ATP2C1: variants seen among roughly 807,000 people sequenced by gnomAD.
ATP2C1 encodes the protein ATPase secretory pathway Ca2+ transporting 1.
A neutral mutation model predicts 120.5 loss-of-function variants in ATP2C1; 31 were observed. The ratio of observed to expected loss-of-function variants is 0.26; its 90% confidence interval spans 0.19 to 0.35. The LOEUF is 0.35. ATP2C1 is among the 10% of genes least tolerant of loss of function. The probability of loss-of-function intolerance (pLI) is 1.00; values close to 1 mark genes in which losing one functional copy is unlikely to be tolerated. For synonymous variants in ATP2C1, 351 were observed against 358.7 expected (o/e 0.98, Z 0.24); for missense variants, 731 against 1,107.5 (o/e 0.66, Z 4.83).
chr3:130,918,040 G>A lies in ATP2C1; in HGVS notation c.7-12376G>A, dbSNP rs186204061. 9.9e-5 allele frequency among the ~76,000 whole-genome samples: 15 copies of A among 152,018 alleles called. No homozygotes were observed. In the East Asian group the frequency reaches 1.9e-3, roughly 20 times the overall value. ...GAAATGGTTCCCAAAAAATGCTGGC[G>A]AATAAAGCAAAAGGATAAGATATAG... is the stretch of plus-strand genomic sequence containing the variant. On this transcript the variant is annotated intron_variant, in intron 2 of 27. Coordinates refer to ENST00000510168, the MANE Select transcript of ATP2C1 (RefSeq NM_001378687.1).
intron 10 of ATP2C1, among the ~76,000 whole-genome samples, chr3:130,955,427 T>G (rs546945780): frequency 1.3e-5 from 2 of 152,340 alleles, no homozygotes; most frequent in South Asian, 4.1e-4. Context: ...CTATCAAATT[T>G]TTTCAACTTC....
chr3:130,962,486 T>C (rs1242982786), intron 12 of ATP2C1, among the ~76,000 whole-genome samples: 1 of 151,854 alleles, frequency 6.6e-6, no homozygotes, highest in Non-Finnish European at 1.5e-5. Flanking sequence ...AAGCAGTAGA[T>C]GAGCAGTTAG....
chr3:130,948,318 T>G (rs1452670705), intron 8 of ATP2C1, among the ~76,000 whole-genome samples: 1 of 152,070 alleles, frequency 6.6e-6, no homozygotes, highest in African/African-American at 2.4e-5. Context: ...AAAGATAATG[T>G]TGCCAGATAG....
chr3:130,910,589 A>G (rs889630344), intron 2 of ATP2C1, among the ~76,000 whole-genome samples: 26 of 129,138 alleles, frequency 2.0e-4, no homozygotes, highest in African/African-American at 7.2e-4. Context: ...TGAGTTTGTC[A>G]TAGATAGCTC....
chr3:130,941,834 A>T, intron 8 of ATP2C1, 135 bp downstream of exon 8: 1 of 792,824 alleles, frequency 1.3e-6, no homozygotes, highest in Non-Finnish European at 2.1e-6. Flanking sequence ...TGACATATAT[A>T]AACTTTTTTT....
chr3:130,956,318 A>G, intron 11 of ATP2C1, 139 bp downstream of exon 11: 1 of 504,076 alleles, frequency 2.0e-6, no homozygotes, highest in African/African-American at 1.9e-5. Flanking sequence ...TAAGACTACT[A>G]GTAGCCATTG....
chr3:130,965,080 G>A (rs1291081585), intron 14 of ATP2C1, 35 bp downstream of exon 14: 2 of 1,472,424 alleles, frequency 1.4e-6, no homozygotes, highest in Non-Finnish European at 1.9e-6. Context: ...AACAAAAACA[G>A]TATCCCTTTA....
intron 3 of ATP2C1, 101 bp from the exon 4 acceptor site, chr3:130,931,921 T>A: frequency 1.3e-6 from 1 of 782,956 alleles, no homozygotes. Context: ...TTGACTGTTG[T>A]AGTTTCTGTA....
chr3:131,003,463 A>T (rs1344860036), downstream of ATP2C1, among the ~76,000 whole-genome samples: 2 of 152,170 alleles, frequency 1.3e-5, no homozygotes, highest in African/African-American at 4.8e-5. Context: ...TACCTTATGG[A>T]GTTATTTGGC....
intron 20 of ATP2C1, among the ~76,000 whole-genome samples, chr3:130,992,178 C>T (rs541121369): frequency 2.0e-5 from 3 of 151,986 alleles, no homozygotes; most frequent in Non-Finnish European, 4.4e-5. Flanking sequence ...TAGCGGATAC[C>T]GTGTTCCACC....
intron 5 of ATP2C1, among the ~76,000 whole-genome samples, chr3:130,936,294 C>T (rs1028805699): frequency 6.6e-6 from 1 of 151,764 alleles, no homozygotes; most frequent in Non-Finnish European, 1.5e-5. Flanking sequence ...ACCAAGTGAA[C>T]CAATATTTCC....
chr3:130,939,510 A>G (rs1348639617), intron 6 of ATP2C1, among the ~76,000 whole-genome samples: 2 of 152,200 alleles, frequency 1.3e-5, no homozygotes, highest in Non-Finnish European at 2.9e-5. Context: ...ATATAGAGGT[A>G]TCTTTATAAT....
intron 20 of ATP2C1, among the ~76,000 whole-genome samples, chr3:130,982,578 G>T (rs2061816753): frequency 6.6e-6 from 1 of 152,070 alleles, no homozygotes; most frequent in African/African-American, 2.4e-5. Context: ...ACATCTATTT[G>T]TATGTCCTTC....
At chr3:130,972,304 G>A (rs1190055954) in intron 17 of ATP2C1, among the ~76,000 whole-genome samples, 2 of 152,070 alleles carry the variant, frequency 1.3e-5, no homozygotes, top group Non-Finnish European at 2.9e-5. Flanking sequence ...CCACTGCCTG[G>A]GAGTTGGGGA....
chr3:130,920,246 T>C (rs551984165), intron 2 of ATP2C1, among the ~76,000 whole-genome samples: 16 of 152,360 alleles, frequency 1.1e-4, no homozygotes, highest in Middle Eastern at 3.4e-3. Flanking sequence ...TATTAAATCC[T>C]TGAGATAATC....
intron 18 of ATP2C1, among the ~76,000 whole-genome samples, chr3:130,978,728 G>A (rs1231901901): frequency 6.6e-6 from 1 of 152,132 alleles, no homozygotes; most frequent in Admixed American, 6.5e-5. Context: ...CCTTCCAGGA[G>A]TTTTCATGTA....
intron 20 of ATP2C1, among the ~76,000 whole-genome samples, chr3:130,988,003 AT>A (rs1444505201): frequency 6.6e-6 from 1 of 152,122 alleles, no homozygotes; most frequent in East Asian, 1.9e-4. Context: ...ATCCTCTTTC[AT>A]TCTTCTTTTT....
At chr3:130,974,850 G>A (rs2061474800) in intron 17 of ATP2C1, among the ~76,000 whole-genome samples, 1 of 152,070 alleles carries the variant, frequency 6.6e-6, no homozygotes, top group Non-Finnish European at 1.5e-5. Context: ...CGTTGAACAG[G>A]AAACTGCAGT....
intron 14 of ATP2C1, 52 bp downstream of exon 14, chr3:130,965,097 T>C (rs757077502): frequency 1.5e-6 from 2 of 1,330,154 alleles, no homozygotes; most frequent in East Asian, 4.6e-5. Context: ...TTTAAGAAAC[T>C]TGGTGTTTAA....
Sources: gnomAD v4.1 joint callset for allele counts (sites outside exome capture counted in the v4.1 genomes callset) on GRCh38, gnomAD v4.1.1 for gene constraint, MANE v1.5 for transcripts, NCBI Gene and HGNC (gene_info 2026-07-23, HGNC 2026-07-21) for gene names.